Variants in TFCP2 observed in about 807,000 individuals in gnomAD.
TFCP2 encodes transcription factor CP2, also known as alpha-globin transcription factor CP2.
TFCP2 carries 33 observed loss-of-function variants against 73.4 expected under a neutral mutation model. The ratio of observed to expected loss-of-function variants is 0.45; its 90% CI spans 0.34 to 0.60. The LOEUF is 0.60. TFCP2 is among the 20% of genes least tolerant of loss of function. The pLI is 0.01. For synonymous variants in TFCP2, 193 were observed against 211.6 expected, an observed-to-expected ratio of 0.91 and a Z score of 0.76; for missense variants, 352 against 604.0, an observed-to-expected ratio of 0.58 and a Z score of 4.37.
intron 13 of TFCP2, 147 bp from the exon 14 acceptor site, chr12:51,096,187 T>C (rs1939962555): frequency 1.6e-6 from 1 of 619,728 alleles, no homozygotes; most frequent in Admixed American, 3.0e-5. Context: ...ATATCTAGGA[T>C]CATAAAAGTT....
intron 9 of TFCP2, 134 bp from the exon 10 acceptor site, chr12:51,103,897 C>A: frequency 1.3e-6 from 1 of 763,618 alleles, no homozygotes; most frequent in Non-Finnish European, 2.2e-6. Flanking sequence ...CTTTCTCCAA[C>A]CATGCAAGAT....
At chr12:51,122,165 TG>T (rs1940693155) in intron 1 of TFCP2, among the ~76,000 whole-genome samples, 1 of 152,038 alleles carries the variant, frequency 6.6e-6, no homozygotes, top group African/African-American at 2.4e-5. Flanking sequence ...TTCTTTCTGT[TG>T]ATGTCTGAAT....
In TFCP2 at chr12:51,096,049, TG is replaced by T; in HGVS notation, c.1420-10del. 1 of 1,611,958 alleles carries T rather than the reference TG, an allele frequency of 6.2e-7. No homozygotes were observed. Among genetic ancestry groups the T allele is most frequent in the Non-Finnish European group, 8.5e-7 (1 of 1,178,704 alleles). ...TGAAAGTTCTGTATCATCTGAAAAA[TG>T]CAAGAAAATTTGTGATTATTTAAAT... On this transcript the variant is annotated splice_polypyrimidine_tract_variant and intron_variant, in intron 13 of 14. Transcript: ENST00000257915.
intron 1 of TFCP2, among the ~76,000 whole-genome samples, chr12:51,159,397 G>C (rs758189497): frequency 9.9e-5 from 15 of 151,246 alleles, no homozygotes; most frequent in South Asian, 2.1e-4. Context: ...GAGTGCAATG[G>C]CGTGATCTTG....
At chr12:51,162,876 A>C (rs769022217) in intron 1 of TFCP2, 2 of 152,010 alleles carry the variant, frequency 1.3e-5, no homozygotes, top group Non-Finnish European at 2.9e-5. Flanking sequence ...CTTTTTATTC[A>C]TTTGGTGTTT....
At position 51,140,236 on chromosome 12, in the gene TFCP2, TATTG is replaced by T. The variant is rs534510108; in HGVS notation, c.123-21468_123-21465del. Among the ~76,000 whole-genome samples, 27 of 152,090 alleles carry T rather than the reference TATTG, an allele frequency of 1.8e-4. No homozygotes were observed. In the South Asian group the frequency reaches 4.4e-3, roughly 25 times the overall value. ...ACAACTCATACTAATAAAATGATAG[TATTG>T]ATTAACTATGATTTCACTAAAAGAA... On this transcript the variant is annotated intron_variant, in intron 1 of 14. Coordinates refer to ENST00000257915, the MANE Select transcript of TFCP2 (RefSeq NM_005653.5).
intron 1 of TFCP2, among the ~76,000 whole-genome samples, chr12:51,171,381 TTTTGC>T (rs375274134): frequency 8.5e-5 from 13 of 152,274 alleles, no homozygotes; most frequent in African/African-American, 3.1e-4. Context: ...TTTTGTTTTG[TTTTGC>T]TTTGTTTTTC....
At chr12:51,142,166 G>A (rs1425641382) in intron 1 of TFCP2, among the ~76,000 whole-genome samples, 40 of 119,152 alleles carry the variant, frequency 3.4e-4, no homozygotes, top group Admixed American at 4.4e-4. Context: ...ATTGTGCCAC[G>A]GCACTCCAGC....
intron 1 of TFCP2, among the ~76,000 whole-genome samples, chr12:51,148,845 C>A (rs150304914): frequency 6.6e-6 from 1 of 150,658 alleles, no homozygotes; most frequent in East Asian, 2.0e-4. Context: ...ACCAATATGG[C>A]GAAACCCTGT....
At chr12:51,123,608 T>C (rs1194355921) in intron 1 of TFCP2, among the ~76,000 whole-genome samples, 2 of 152,212 alleles carry the variant, frequency 1.3e-5, no homozygotes, top group African/African-American at 4.8e-5. Context: ...TTATTTTTTG[T>C]AGAAATGGAG....
At chr12:51,136,814 C>T (rs1021373592) in intron 1 of TFCP2, among the ~76,000 whole-genome samples, 3 of 152,108 alleles carry the variant, frequency 2.0e-5, no homozygotes, top group African/African-American at 7.2e-5. Flanking sequence ...TGGCATGCAC[C>T]TGTAGCCCGT....
intron 13 of TFCP2, among the ~76,000 whole-genome samples, chr12:51,096,323 A>C (rs112666450): frequency 2.0e-5 from 3 of 152,168 alleles, no homozygotes; most frequent in African/African-American, 7.2e-5. Context: ...CACGGACACA[A>C]ATATGTGCAT....
chr12:51,171,945 A>G (rs144568125), intron 1 of TFCP2, among the ~76,000 whole-genome samples: 192 of 152,248 alleles, frequency 1.3e-3, no homozygotes, highest in Middle Eastern at 6.8e-3. Flanking sequence ...CCTAGATACC[A>G]TTCCTATGCT....
At chr12:51,151,731 C>T (rs942204851) in intron 1 of TFCP2, among the ~76,000 whole-genome samples, 8 of 152,110 alleles carry the variant, frequency 5.3e-5, no homozygotes, top group African/African-American at 1.7e-4. Flanking sequence ...CCACCACGCC[C>T]GGCCAATACC....
Position 51,106,584 on chromosome 12 carries a change from G to T in TFCP2, c.858C>A (p.Val286=). ...ECSPWPEITY[V]NNSPSPGFNS... is the part of the protein sequence containing the mutation. Reference sequence around the variant, plus strand: ...TGAAGCCAGGTGATGGGGAGTTATTGACATACGTGATCTCGGGCCATGGAG... The same window carrying T: ...TGAAGCCAGGTGATGGGGAGTTATTTACATACGTGATCTCGGGCCATGGAG... Residue 286 remains valine (V), a synonymous_variant, in exon 8 of 15, where the codon GTC becomes GTA. Transcript: ENST00000257915. 6.2e-7 allele frequency: 1 copy of T among 1,613,600 alleles called. No homozygotes were observed. The highest frequency in any genetic ancestry group is 1.1e-5 in the South Asian group (1 of 91,018).
chr12:51,118,491 C>T (rs1940586860), intron 2 of TFCP2, 130 bp downstream of exon 2: 4 of 1,107,160 alleles, frequency 3.6e-6, no homozygotes, highest in Middle Eastern at 4.6e-4. Flanking sequence ...GGAGGCAGAG[C>T]TTGCAGTGAG....
chr12:51,149,019 C>A (rs2137026713), intron 1 of TFCP2, among the ~76,000 whole-genome samples: 2 of 7,056 alleles, frequency 2.8e-4, no homozygotes, highest in Non-Finnish European at 2.5e-3. Context: ...AGCAAGACTC[C>A]ATCTCAAAAA....
At position 51,172,659 on chromosome 12, in the gene TFCP2, G is replaced by A; in HGVS notation, c.-237C>T. The A allele has an allele frequency of 4.2e-6, 2 of 472,234 alleles. No individual in the cohort carries two copies. Among genetic ancestry groups the A allele is most frequent in the South Asian group, 4.5e-5 (2 of 44,082 alleles). The allele number at this position is 472,234 out of a possible 1,614,324, so 29.3% of individuals were successfully genotyped here. ...CAAAATCCCCCCTGCCCAGCTCTCA[G>A]GAACGTGAGGACCCCTTTGCTCAAC... On this transcript the variant is annotated 5_prime_UTR_variant, in exon 1 of 15. Transcript: ENST00000257915.
intron 10 of TFCP2, among the ~76,000 whole-genome samples, chr12:51,102,773 G>A (rs1940140961): frequency 6.6e-6 from 1 of 152,010 alleles, no homozygotes. Flanking sequence ...TGTCACACAT[G>A]TTCCCTAACA....
Sources: gnomAD v4.1 joint callset for allele counts (sites outside exome capture counted in the v4.1 genomes callset) on GRCh38, gnomAD v4.1.1 for gene constraint, MANE v1.5 for transcripts, NCBI Gene and HGNC (gene_info 2026-07-23, HGNC 2026-07-21) for gene names.